SLC24A2: variants seen among roughly 807,000 people sequenced by gnomAD.
The protein encoded by SLC24A2 is solute carrier family 24 member 2.
In SLC24A2, 36 loss-of-function variants were observed where a neutral mutation model predicts 62.0. The ratio of observed to expected loss-of-function variants is 0.58; its 90% CI spans 0.44 to 0.77. SLC24A2 has a LOEUF of 0.77. SLC24A2 is among the 30% of genes least tolerant of loss of function. The pLI, the probability that SLC24A2 is intolerant of heterozygous loss-of-function variation, is 0.00. For synonymous variants in SLC24A2, 358 were observed against 294.0 expected, an observed-to-expected ratio of 1.22 and a Z score of -2.23; for missense variants, 846 against 817.9, an observed-to-expected ratio of 1.03 and a Z score of -0.42.
At chr9:19,533,336 C>A (rs546027879) in intron 8 of SLC24A2, among the ~76,000 whole-genome samples, 2 of 152,246 alleles carry the variant, frequency 1.3e-5, no homozygotes, top group South Asian at 4.2e-4. Context: ...CTCAAGAGGT[C>A]CCTGTGGAAG....
chr9:19,871,383 T>G, the SLC24A2 span, among the ~76,000 whole-genome samples: 8 of 152,208 alleles, frequency 5.3e-5, no homozygotes, highest in Non-Finnish European at 1.2e-4. Flanking sequence ...TTTATCCAAT[T>G]TGAAGAACAG....
chr9:19,877,415 C>T, the SLC24A2 span, among the ~76,000 whole-genome samples: 1 of 145,636 alleles, frequency 6.9e-6, no homozygotes, highest in East Asian at 2.1e-4. Context: ...GAGGCACTGA[C>T]CATTTTCATA....
At chr9:19,951,226 TTGTGTGTGTGTGTGTG>T in the SLC24A2 span, among the ~76,000 whole-genome samples, 5,283 of 146,068 alleles carry the variant, frequency 0.036, 99 homozygotes, top group Middle Eastern at 0.052. Flanking sequence ...TTTTCTTAAG[TTGTGTGTGTGTGTGTG>T]TGTGTGTGTG....
At chr9:19,761,222 G>C (rs138274365) in intron 2 of SLC24A2, among the ~76,000 whole-genome samples, 1,868 of 152,130 alleles carry the variant, frequency 0.012, 44 homozygotes, top group African/African-American at 0.043. Context: ...CTAGATCCTT[G>C]AGGAATCACC....
chr9:19,937,847 T>A, the SLC24A2 span, among the ~76,000 whole-genome samples: 1 of 152,196 alleles, frequency 6.6e-6, no homozygotes, highest in Non-Finnish European at 1.5e-5. Flanking sequence ...ATAGGTGAAA[T>A]GTTGTATTTC....
At chr9:20,096,743 A>ATAT in the SLC24A2 span, among the ~76,000 whole-genome samples, 43,797 of 151,552 alleles carry the variant, frequency 0.29, 7,108 homozygotes, top group East Asian at 0.62. Context: ...CTTGGATTGA[A>ATAT]TATTCTTTTT....
intron 4 of SLC24A2, among the ~76,000 whole-genome samples, chr9:19,609,137 C>T (rs1837073660): frequency 6.6e-6 from 1 of 152,276 alleles, no homozygotes. Flanking sequence ...GTGTCCAGTG[C>T]CGTGCCTGCT....
chr9:19,982,651 TAGA>T, the SLC24A2 span, among the ~76,000 whole-genome samples: 1 of 152,060 alleles, frequency 6.6e-6, no homozygotes, highest in Non-Finnish European at 1.5e-5. Context: ...GTCTGAAAAA[TAGA>T]AGAAGAGGAA....
At chr9:20,288,464 A>T in the SLC24A2 span, among the ~76,000 whole-genome samples, 1 of 152,190 alleles carries the variant, frequency 6.6e-6, no homozygotes, top group South Asian at 2.1e-4. Context: ...TAACTTCTCC[A>T]AACTATAGAA....
the SLC24A2 span, among the ~76,000 whole-genome samples, chr9:19,992,686 T>C: frequency 4.2e-3 from 643 of 152,326 alleles, 1 homozygote; most frequent in Non-Finnish European, 7.2e-3. Flanking sequence ...ACTCATCTCA[T>C]AGGAAAAAAT....
At chr9:19,771,621 C>G (rs1195797362) in intron 2 of SLC24A2, among the ~76,000 whole-genome samples, 1 of 152,182 alleles carries the variant, frequency 6.6e-6, no homozygotes, top group East Asian at 1.9e-4. Flanking sequence ...GTAGCTGACA[C>G]AAGCTAGAAA....
At chr9:20,019,672 C>A in the SLC24A2 span, among the ~76,000 whole-genome samples, 106,839 of 151,976 alleles carry the variant, frequency 0.7, 37,766 homozygotes, top group Admixed American at 0.78. Context: ...CAAAGACTTC[C>A]CGACTAAAAC....
chr9:19,706,925 T>C (rs1461202359), intron 2 of SLC24A2, among the ~76,000 whole-genome samples: 1 of 150,990 alleles, frequency 6.6e-6, no homozygotes, highest in Non-Finnish European at 1.5e-5. Flanking sequence ...CTGAAGGAAA[T>C]AGAGACACAA....
chr9:20,178,165 A>C, the SLC24A2 span, among the ~76,000 whole-genome samples: 1 of 152,210 alleles, frequency 6.6e-6, no homozygotes, highest in Admixed American at 6.5e-5. Context: ...TGAACTGTTC[A>C]GAGTGAAACC....
At chr9:20,293,879 A>G in the SLC24A2 span, among the ~76,000 whole-genome samples, 3 of 152,060 alleles carry the variant, frequency 2.0e-5, no homozygotes, top group Non-Finnish European at 4.4e-5. Context: ...CAGTCCATTT[A>G]ACTTCACATA....
At chr9:20,146,587 T>A in the SLC24A2 span, among the ~76,000 whole-genome samples, 205 of 152,228 alleles carry the variant, frequency 1.3e-3, 2 homozygotes, top group Admixed American at 0.011. Context: ...GTCTGTGTAC[T>A]GGGTTTCTGT....
At chr9:19,722,793 G>A (rs1322269424) in intron 2 of SLC24A2, among the ~76,000 whole-genome samples, 1 of 152,080 alleles carries the variant, frequency 6.6e-6, no homozygotes, top group Non-Finnish European at 1.5e-5. Flanking sequence ...AACAATCTTA[G>A]CACATATGTA....
At chr9:19,698,935 G>A (rs922013289) in intron 2 of SLC24A2, among the ~76,000 whole-genome samples, 5 of 152,144 alleles carry the variant, frequency 3.3e-5, no homozygotes, top group African/African-American at 7.2e-5. Context: ...AGAACTTGTC[G>A]AAAGTCACAG....
chr9:20,054,842 A>T, the SLC24A2 span, among the ~76,000 whole-genome samples: 18 of 152,356 alleles, frequency 1.2e-4, 1 homozygote, highest in Middle Eastern at 6.8e-3. Flanking sequence ...AGTAGATACA[A>T]CAGTCAGCCA....
Sources: gnomAD v4.1 joint callset for allele counts (sites outside exome capture counted in the v4.1 genomes callset) on GRCh38, gnomAD v4.1.1 for gene constraint, MANE v1.5 for transcripts, NCBI Gene and HGNC (gene_info 2026-07-23, HGNC 2026-07-21) for gene names.